TMTC1: variants seen among roughly 807,000 people sequenced by gnomAD.
The protein encoded by TMTC1 is transmembrane O-mannosyltransferase targeting cadherins 1.
In TMTC1, 73 loss-of-function variants were observed where a neutral mutation model predicts 104.8. That is an observed-to-expected ratio of 0.70 (90% CI 0.58 to 0.85). TMTC1 has a LOEUF of 0.85. Ranked by LOEUF, TMTC1 falls within the 40% of genes least tolerant of loss-of-function variation. The pLI, the probability that TMTC1 is intolerant of heterozygous loss-of-function variation, is 0.00. For missense variants in TMTC1, 1,035 were observed against 1,096.1 expected (o/e 0.94, Z 0.79); for synonymous variants, 434 against 428.7 (o/e 1.01, Z -0.15).
intron 9 of TMTC1, 31 bp from the exon 10 acceptor site, chr12:29,557,031 G>A (rs1422754801): frequency 6.2e-7 from 1 of 1,607,898 alleles, no homozygotes; most frequent in East Asian, 2.2e-5. Context: ...AGCTGTGATG[G>A]TTCAAAAACT....
rs559933605 is a variant in TMTC1, at chr12:29,599,571, G to T, written c.1250+4607C>A. ...AGGCGGAGGATGAGAGAGCACTGTT[G>T]GTCTGACTCATTCTGCACTTTTCTT... is the stretch of plus-strand genomic sequence containing the variant. On this transcript the variant is annotated intron_variant, in intron 7 of 17. Coordinates refer to ENST00000539277, the MANE Select transcript of TMTC1 (RefSeq NM_001193451.2). Among the ~76,000 whole-genome samples the T allele has an allele frequency of 4.6e-5, 7 of 152,268 alleles. No individual in the cohort carries two copies. In the South Asian group the frequency reaches 1.5e-3, roughly 32 times the overall value.
intron 1 of TMTC1, among the ~76,000 whole-genome samples, chr12:29,781,829 C>T (rs1434856897): frequency 6.6e-6 from 1 of 151,562 alleles, no homozygotes; most frequent in African/African-American, 2.4e-5. Flanking sequence ...AGATCCCATC[C>T]CAAAAAAGAA....
chr12:29,632,204 A>C (rs1938333523), intron 6 of TMTC1, among the ~76,000 whole-genome samples: 1 of 152,170 alleles, frequency 6.6e-6, no homozygotes, highest in South Asian at 2.1e-4. Flanking sequence ...AAACTTATTA[A>C]TTTTTACTGC....
intron 5 of TMTC1, among the ~76,000 whole-genome samples, chr12:29,734,465 C>G (rs1942620861): frequency 6.6e-6 from 1 of 152,204 alleles, no homozygotes; most frequent in African/African-American, 2.4e-5. Context: ...CATGCTCTGC[C>G]TTTGGGCTGC....
At chr12:29,695,828 T>A (rs11050394) in intron 5 of TMTC1, among the ~76,000 whole-genome samples, 5,974 of 106,148 alleles carry the variant, frequency 0.056, 298 homozygotes, top group Middle Eastern at 0.13. Flanking sequence ...TATATATATA[T>A]AACCTGTCTT....
At chr12:29,511,098 C>T (rs1475948861) in intron 17 of TMTC1, among the ~76,000 whole-genome samples, 2 of 152,190 alleles carry the variant, frequency 1.3e-5, no homozygotes, top group Non-Finnish European at 2.9e-5. Flanking sequence ...TCCTAACCAC[C>T]TGAATTTAAA....
chr12:29,699,784 C>T (rs1212631923), intron 5 of TMTC1, among the ~76,000 whole-genome samples: 1 of 151,272 alleles, frequency 6.6e-6, no homozygotes, highest in East Asian at 2.0e-4. Context: ...GGACTACAGG[C>T]GCACACCAAC....
chr12:29,569,451 T>C (rs1273716308), intron 9 of TMTC1, among the ~76,000 whole-genome samples: 1 of 152,152 alleles, frequency 6.6e-6, no homozygotes, highest in Non-Finnish European at 1.5e-5. Flanking sequence ...CCCTAATCAC[T>C]CTCTTTCTTG....
intron 5 of TMTC1, chr12:29,660,752 C>T: frequency 1.5e-6 from 1 of 668,608 alleles, no homozygotes; most frequent in African/African-American, 1.9e-5. Context: ...AGAGTGGAAA[C>T]ATTCCTTATC....
At chr12:29,560,198 A>T (rs1945343337) in intron 9 of TMTC1, among the ~76,000 whole-genome samples, 1 of 152,176 alleles carries the variant, frequency 6.6e-6, no homozygotes, top group African/African-American at 2.4e-5. Context: ...ATGTCCTGAT[A>T]GTGGTTATTC....
At chr12:29,682,544 T>A (rs1257344433) in intron 5 of TMTC1, among the ~76,000 whole-genome samples, 1 of 152,228 alleles carries the variant, frequency 6.6e-6, no homozygotes, top group Non-Finnish European at 1.5e-5. Context: ...ATAGTACATC[T>A]GTATTATGTA....
chr12:29,642,508 GAAA>G (rs991108623), intron 5 of TMTC1, among the ~76,000 whole-genome samples: 1 of 151,286 alleles, frequency 6.6e-6, no homozygotes, highest in Admixed American at 6.6e-5. Flanking sequence ...CATATATGAA[GAAA>G]AAAAAGTCTT....
intron 8 of TMTC1, among the ~76,000 whole-genome samples, chr12:29,578,117 G>T (rs966982550): frequency 6.6e-5 from 10 of 151,938 alleles, no homozygotes; most frequent in African/African-American, 2.4e-4. Context: ...AGACAATTGG[G>T]TCTGTGGAAA....
intron 8 of TMTC1, among the ~76,000 whole-genome samples, chr12:29,581,798 C>A (rs141311675): frequency 6.6e-6 from 1 of 152,206 alleles, no homozygotes; most frequent in East Asian, 1.9e-4. Context: ...AACAGAGACT[C>A]GGAGGAAGTT....
chr12:29,509,605 G>A (rs932689732), intron 17 of TMTC1, among the ~76,000 whole-genome samples: 1 of 152,124 alleles, frequency 6.6e-6, no homozygotes, highest in Non-Finnish European at 1.5e-5. Context: ...TCTAATAGTG[G>A]CATCAAAATG....
intron 12 of TMTC1, 110 bp from the exon 13 acceptor site, chr12:29,518,717 A>G (rs1944061637): frequency 5.1e-6 from 7 of 1,366,408 alleles, no homozygotes; most frequent in Non-Finnish European, 5.9e-6. Flanking sequence ...ACAGAGTTAT[A>G]CCAAAATTAT....
At chr12:29,559,801 CTT>C (rs1382662566) in intron 9 of TMTC1, among the ~76,000 whole-genome samples, 1 of 152,172 alleles carries the variant, frequency 6.6e-6, no homozygotes, top group East Asian at 1.9e-4. Flanking sequence ...TAGCAATATC[CTT>C]TCTCTCTCTG....
chr12:29,674,499 G>T (rs1240331564), intron 5 of TMTC1, among the ~76,000 whole-genome samples: 1 of 152,200 alleles, frequency 6.6e-6, no homozygotes, highest in African/African-American at 2.4e-5. Flanking sequence ...AGTTCTGTCA[G>T]CTCCCTCCTT....
intron 2 of TMTC1, among the ~76,000 whole-genome samples, chr12:29,760,114 G>A (rs1943309602): frequency 4.6e-5 from 7 of 152,152 alleles, no homozygotes; most frequent in Admixed American, 4.6e-4. Flanking sequence ...AGAGCAATAG[G>A]CCATAGCATC....
Sources: gnomAD v4.1 joint callset for allele counts (sites outside exome capture counted in the v4.1 genomes callset) on GRCh38, gnomAD v4.1.1 for gene constraint, MANE v1.5 for transcripts, NCBI Gene and HGNC (gene_info 2026-07-23, HGNC 2026-07-21) for gene names.